MATN4: variants seen among roughly 807,000 people sequenced by gnomAD.
MATN4 encodes the protein matrilin-4.
A neutral mutation model predicts 54.6 loss-of-function variants in MATN4; 40 were observed. The ratio of observed to expected loss-of-function variants is 0.73; its 90% CI spans 0.57 to 0.95. MATN4 has a LOEUF of 0.95. Ranked by LOEUF, MATN4 falls within the 40% of genes least tolerant of loss-of-function variation. The pLI is 0.00. For missense variants in MATN4, 810 were observed against 819.1 expected (o/e 0.99, Z 0.13); for synonymous variants, 351 against 345.3 (o/e 1.02, Z -0.18).
Position 45,298,484 on chromosome 20 carries a change from A to G in MATN4, c.1112T>C (p.Ile371Thr), listed in dbSNP as rs755758701. The G allele has an allele frequency of 6.2e-6, 10 of 1,613,658 alleles. No individual in the cohort carries two copies. The highest frequency in any genetic ancestry group is 1.7e-5 in the Admixed American group (1 of 59,976). Reference sequence around the variant, plus strand: ...GGGGGACACATCTAGGAAGTCCACAATCTGGTTCACGAAGCGCTTCACTAG... The same window carrying G: ...GGGGGACACATCTAGGAAGTCCACAGTCTGGTTCACGAAGCGCTTCACTAG... ...FELVKRFVNQ[I>T]VDFLDVSPEG... Residue 371 changes from isoleucine (I) to threonine (T), a missense_variant, in exon 7 of 10, where the codon ATT becomes ACT. Coordinates refer to ENST00000372756, the MANE Select transcript of MATN4 (RefSeq NM_001393530.1). This position sits in a 1 kb window ranked among gnomAD's most constrained non-coding sequence, Gnocchi z 4.6.
chr20:45,306,997 G>GCCCCCCCCCCCCCCC, intron 1 of MATN4: 1 of 1,127,920 alleles, frequency 8.9e-7, no homozygotes, highest in Admixed American at 4.4e-5. Flanking sequence ...AACTACGAAG[G>GCCCCCCCCCCCCCCC]ACCACCCCCC....
At chr20:45,302,006 T>C (rs1052929806) in intron 3 of MATN4, among the ~76,000 whole-genome samples, 1 of 152,070 alleles carries the variant, frequency 6.6e-6, no homozygotes, top group Non-Finnish European at 1.5e-5. Flanking sequence ...AATGAGTTTT[T>C]CGTGTGTGTG....
At chr20:45,305,134 A>G (rs1267619780) in intron 2 of MATN4, among the ~76,000 whole-genome samples, 1 of 152,182 alleles carries the variant, frequency 6.6e-6, no homozygotes, top group African/African-American at 2.4e-5. Context: ...AAGAGCCCCT[A>G]TCACTCCTAA....
chr20:45,293,711 A>G lies in MATN4; in HGVS notation c.*56T>C. The G allele has an allele frequency of 6.7e-7, 1 of 1,493,786 alleles. No homozygotes were observed. Among genetic ancestry groups the G allele is most frequent in the Non-Finnish European group, 9.0e-7 (1 of 1,113,016 alleles). The allele number at this position is 1,493,786 out of a possible 1,614,324, so 92.5% of individuals were successfully genotyped here. ...TGGCCCCGGCGCACCGATGGCGCGC[A>G]AGGGGCACCGTCCGTGGTGCCGCGC... is the stretch of plus-strand genomic sequence containing the variant. On this transcript the variant is annotated 3_prime_UTR_variant, in exon 10 of 10. Coordinates refer to ENST00000372756, the MANE Select transcript of MATN4 (RefSeq NM_001393530.1).
intron 6 of MATN4, 88 bp downstream of exon 6, chr20:45,300,799 G>A (rs1986172228): frequency 2.6e-6 from 4 of 1,526,626 alleles, no homozygotes; most frequent in Admixed American, 3.4e-5. Context: ...CCACAGCCTA[G>A]GGGCCACAGC....
At chr20:45,299,980 GGTGTGTGTGT>G (rs55652446) in intron 6 of MATN4, among the ~76,000 whole-genome samples, 4 of 114,774 alleles carry the variant, frequency 3.5e-5, no homozygotes, top group African/African-American at 1.1e-4. Flanking sequence ...TGTGTGTAGG[GGTGTGTGTGT>G]GTGTGTGTGT....
chr20:45,308,153 G>T, intron 1 of MATN4, 22 bp downstream of exon 1: 1 of 1,613,328 alleles, frequency 6.2e-7, no homozygotes, highest in Non-Finnish European at 8.5e-7. Flanking sequence ...ACCCCTCAGT[G>T]CCTCCCAATC....
chr20:45,302,602 C>G (rs763033214), intron 3 of MATN4, among the ~76,000 whole-genome samples: 1 of 151,914 alleles, frequency 6.6e-6, no homozygotes, highest in South Asian at 2.1e-4. Context: ...AAGGCCCTAT[C>G]TCTTAAAAAG....
chr20:45,294,035 G>T lies in MATN4; in HGVS notation c.1580-20C>A. 1.9e-6 allele frequency: 3 copies of T among 1,581,846 alleles called. No homozygotes were observed. Among genetic ancestry groups the T allele is most frequent in the Non-Finnish European group, 2.6e-6 (3 of 1,164,912 alleles). ...CCTCCTCTGCAAGCCGGACACAGAG[G>T]GTCAGGGGGATGAGAAATTGCCCTA... On this transcript the variant is annotated intron_variant, in intron 8 of 9. Coordinates refer to ENST00000372756, the MANE Select transcript of MATN4 (RefSeq NM_001393530.1).
chr20:45,305,963 C>G (rs1309449668), intron 1 of MATN4, among the ~76,000 whole-genome samples: 1 of 151,630 alleles, frequency 6.6e-6, no homozygotes, highest in African/African-American at 2.4e-5. Context: ...GCCACCACAC[C>G]TGGCTAATTT....
At chr20:45,302,769 C>A (rs1047655361) in intron 3 of MATN4, among the ~76,000 whole-genome samples, 1 of 151,596 alleles carries the variant, frequency 6.6e-6, no homozygotes, top group African/African-American at 2.4e-5. Flanking sequence ...AGAAGAGAAA[C>A]TGTAAGGATG....
At position 45,305,463 on chromosome 20, in the gene MATN4, G is replaced by C. The variant is rs78220140; in HGVS notation, c.73+47C>G. The C allele has an allele frequency of 4.8e-6, 7 of 1,462,092 alleles. No homozygotes were observed. The African/African-American group carries it at 8.4e-5, about 18-fold the overall frequency. The allele number at this position is 1,462,092 out of a possible 1,614,324, so 90.6% of individuals were successfully genotyped here. On this transcript the variant is annotated intron_variant, in intron 2 of 9. Transcript: ENST00000372756. ...GGAGCTGGCTGCAGAGGGAGGACCT[G>C]CTTCCGCTCCCCTCCTCCCACTGGT...
intron 8 of MATN4, 118 bp downstream of exon 8, chr20:45,297,800 G>T: frequency 7.6e-7 from 1 of 1,311,934 alleles, no homozygotes; most frequent in Non-Finnish European, 1.1e-6. Context: ...GCAAAGCTCT[G>T]TCTAGTGAGC....
chr20:45,300,593 T>G (rs1171319047), intron 6 of MATN4, among the ~76,000 whole-genome samples: 2 of 152,152 alleles, frequency 1.3e-5, no homozygotes, highest in Non-Finnish European at 2.9e-5. Flanking sequence ...TTTGAAATAC[T>G]TAGGGGTAAG....
At chr20:45,303,635 A>T (rs536592169) in intron 3 of MATN4, 4 of 609,750 alleles carry the variant, frequency 6.6e-6, no homozygotes, top group Non-Finnish European at 1.2e-5. Flanking sequence ...GAAGGAAATG[A>T]CTAATTTGAG....
intron 6 of MATN4, among the ~76,000 whole-genome samples, chr20:45,299,827 G>A (rs920440686): frequency 7.3e-6 from 1 of 137,056 alleles, no homozygotes; most frequent in Non-Finnish European, 1.5e-5. Flanking sequence ...GCAGTGAGCC[G>A]ACATCGCGCC....
At position 45,298,272 on chromosome 20, in the gene MATN4, C is replaced by G; in HGVS notation, c.1324G>C (p.Ala442Pro). 1.2e-6 allele frequency: 2 copies of G among 1,613,448 alleles called. No individual in the cohort carries two copies. Among genetic ancestry groups the G allele is most frequent in the Non-Finnish European group, 1.7e-6 (2 of 1,179,884 alleles). Residue 442 changes from alanine to proline, a missense_variant, in exon 7 of 10, where the codon GCA (alanine) becomes CCA (proline). By Grantham distance (27) the Ala-to-Pro change is conservative. Coordinates refer to ENST00000372756, the MANE Select transcript of MATN4 (RefSeq NM_001393530.1). This position sits in a 1 kb window ranked among gnomAD's most constrained non-coding sequence, Gnocchi z 4.6. ...GGCACGTTAAGGGCACGGGGCCGTG[C>G]ACCCTGCGCCTCGGAGAAGCTGTGC... ...VEHSFSEAQG[A>P]RPRALNVPRV...
intron 1 of MATN4, chr20:45,306,884 A>G: frequency 8.0e-7 from 1 of 1,255,294 alleles, no homozygotes; most frequent in Non-Finnish European, 1.0e-6. Flanking sequence ...ACTCGTCCAG[A>G]GGGCGGCGGG....
intron 8 of MATN4, among the ~76,000 whole-genome samples, chr20:45,296,837 T>C (rs1230614783): frequency 1.3e-5 from 2 of 151,358 alleles, no homozygotes; most frequent in Non-Finnish European, 2.9e-5. Flanking sequence ...ACATATTATA[T>C]AATATAGTAT....
Sources: gnomAD v4.1 joint callset for allele counts (sites outside exome capture counted in the v4.1 genomes callset) on GRCh38, gnomAD v4.1.1 for gene constraint, Gnocchi (gnomAD v3.1) non-coding constraint, MANE v1.5 for transcripts, NCBI Gene and HGNC (gene_info 2026-07-23, HGNC 2026-07-21) for gene names.